Variants in IKBKB-DT observed in about 807,000 individuals in gnomAD.
IKBKB-DT encodes the protein IKBKB antisense RNA.
chr8:42,244,477 A>G (rs557973801), intron 3 of IKBKB-DT, among the ~76,000 whole-genome samples: 1 of 152,338 alleles, frequency 6.6e-6, no homozygotes, highest in South Asian at 2.1e-4. Context: ...AGTATGCCAC[A>G]TTCCTTTTAC....
intron 3 of IKBKB-DT, among the ~76,000 whole-genome samples, chr8:42,240,641 A>G (rs1309137559): frequency 5.3e-5 from 8 of 150,470 alleles, no homozygotes; most frequent in Non-Finnish European, 1.0e-4. Flanking sequence ...AAAAAAAAAA[A>G]AAAAAAAAAG....
At chr8:42,239,527 C>A (rs1156250249) in intron 3 of IKBKB-DT, among the ~76,000 whole-genome samples, 1 of 148,694 alleles carries the variant, frequency 6.7e-6, no homozygotes, top group East Asian at 2.0e-4. Flanking sequence ...CAATTTGAGG[C>A]CCAACAACAG....
At chr8:42,259,510 T>C (rs1371526234) in intron 3 of IKBKB-DT, among the ~76,000 whole-genome samples, 1 of 152,204 alleles carries the variant, frequency 6.6e-6, no homozygotes, top group Non-Finnish European at 1.5e-5. Flanking sequence ...TAACTTAACT[T>C]AGCAAAACCC....
intron 3 of IKBKB-DT, among the ~76,000 whole-genome samples, chr8:42,262,965 T>C (rs1201547915): frequency 6.6e-6 from 1 of 151,944 alleles, no homozygotes; most frequent in Non-Finnish European, 1.5e-5. Context: ...GATCTCAAAC[T>C]CCTGGGCTCA....
chr8:42,243,368 A>G (rs559546695), intron 3 of IKBKB-DT, among the ~76,000 whole-genome samples: 3 of 152,342 alleles, frequency 2.0e-5, no homozygotes, highest in South Asian at 2.1e-4. Flanking sequence ...GCATTTCTAA[A>G]GAGCTAAAGT....
At position 42,239,909 on chromosome 8, in the gene IKBKB-DT, G is replaced by T. The variant is rs564854885; in HGVS notation, n.1530-6050C>A. Reference sequence around the variant, plus strand: ...CTGGCTCAGCCTCCCAAAGTGTTGGGATTATAGGCATGAGCCACCGTGCCT... The same window carrying T: ...CTGGCTCAGCCTCCCAAAGTGTTGGTATTATAGGCATGAGCCACCGTGCCT... On this transcript the variant is annotated intron_variant and non_coding_transcript_variant, in intron 3 of 3. Transcript: ENST00000518213. Among the ~76,000 whole-genome samples, 5 of 151,780 alleles carry T rather than the reference G, an allele frequency of 3.3e-5. No homozygotes were observed. In the East Asian group the frequency reaches 7.8e-4, roughly 24 times the overall value.
At position 42,239,636 on chromosome 8, in the gene IKBKB-DT, T is replaced by TATATATATA. The variant is rs55662464; in HGVS notation, n.1530-5778_1530-5777insTATATATAT. Among the ~76,000 whole-genome samples, 135 of 28,154 alleles carry TATATATATA rather than the reference T, an allele frequency of 4.8e-3. 14 individuals are homozygous for TATATATATA. The highest frequency in any genetic ancestry group is 6.8e-3 in the East Asian group (5 of 734). The allele number at this position is 28,154 out of a possible 152,430, so 18.5% of individuals were successfully genotyped here. ...AATTTATATATATATATATATATAT[T>TATATATATA]TATTTATTTATTCATTTTTTTTTTT... is the stretch of plus-strand genomic sequence containing the variant. On this transcript the variant is annotated intron_variant and non_coding_transcript_variant, in intron 3 of 3. Transcript: ENST00000518213.
intron 3 of IKBKB-DT, among the ~76,000 whole-genome samples, chr8:42,244,726 T>C (rs2129909766): frequency 6.6e-6 from 1 of 152,312 alleles, no homozygotes; most frequent in East Asian, 1.9e-4. Flanking sequence ...TACATTGGGC[T>C]GCCGCCTATA....
exon 2 of IKBKB-DT, chr8:42,266,020 G>C (rs1807364260): frequency 6.6e-6 from 1 of 152,224 alleles, no homozygotes; most frequent in Non-Finnish European, 1.5e-5. Flanking sequence ...GTCTCCACCA[G>C]CCCACCCTCA....
chr8:42,241,397 C>CT (rs1807002365), intron 3 of IKBKB-DT, among the ~76,000 whole-genome samples: 1 of 151,678 alleles, frequency 6.6e-6, no homozygotes, highest in Admixed American at 6.6e-5. Flanking sequence ...TTGTCTGTGT[C>CT]TTTAAGTTTT....
intron 3 of IKBKB-DT, among the ~76,000 whole-genome samples, chr8:42,242,981 T>A (rs185135282): frequency 7.2e-5 from 11 of 152,370 alleles, no homozygotes; most frequent in Admixed American, 7.2e-4. Context: ...AAGTGGCTTT[T>A]ATTCCAAAGC....
intron 3 of IKBKB-DT, among the ~76,000 whole-genome samples, chr8:42,235,097 A>G (rs1422977802): frequency 6.6e-6 from 1 of 151,774 alleles, no homozygotes; most frequent in East Asian, 1.9e-4. Flanking sequence ...TGTGAAGATA[A>G]CATCACTACT....
chr8:42,247,332 G>T (rs1355966971), intron 3 of IKBKB-DT, among the ~76,000 whole-genome samples: 1 of 152,146 alleles, frequency 6.6e-6, no homozygotes, highest in African/African-American at 2.4e-5. Context: ...AGGACCAGTG[G>T]CCCCTTGGTT....
intron 3 of IKBKB-DT, among the ~76,000 whole-genome samples, chr8:42,242,255 G>GTAAA (rs1807013817): frequency 6.7e-6 from 1 of 150,076 alleles, no homozygotes; most frequent in South Asian, 2.1e-4. Context: ...ATAGACATAA[G>GTAAA]TAAATAAATA....
chr8:42,249,539 A>T (rs1323891718), intron 3 of IKBKB-DT, among the ~76,000 whole-genome samples: 1 of 151,876 alleles, frequency 6.6e-6, no homozygotes, highest in Non-Finnish European at 1.5e-5. Flanking sequence ...AACCTGATGG[A>T]CTTTCTGAGT....
chr8:42,244,285 G>C (rs950260742), intron 3 of IKBKB-DT, among the ~76,000 whole-genome samples: 6 of 152,100 alleles, frequency 3.9e-5, no homozygotes, highest in Admixed American at 6.6e-5. Flanking sequence ...CTTGACACAG[G>C]GTAGTCAGTT....
intron 3 of IKBKB-DT, among the ~76,000 whole-genome samples, chr8:42,241,328 T>C: frequency 6.8e-6 from 1 of 146,756 alleles, no homozygotes; most frequent in Non-Finnish European, 1.5e-5. Flanking sequence ...TACCATTTTC[T>C]GGGGAAAAAC....
intron 3 of IKBKB-DT, among the ~76,000 whole-genome samples, chr8:42,243,119 A>G (rs1383906913): frequency 6.6e-6 from 1 of 152,158 alleles, no homozygotes; most frequent in African/African-American, 2.4e-5. Context: ...GTGCCAGCTT[A>G]GTGTCTTACC....
chr8:42,271,187 G>A, exon 1 of IKBKB-DT: 2 of 606,408 alleles, frequency 3.3e-6, no homozygotes, highest in Non-Finnish European at 5.9e-6. Flanking sequence ...CCCCCGCCCC[G>A]GGGGAGTCGC....
Sources: gnomAD v4.1 joint callset for allele counts (sites outside exome capture counted in the v4.1 genomes callset) on GRCh38, gnomAD v4.1.1 for gene constraint, MANE v1.5 for transcripts, NCBI Gene and HGNC (gene_info 2026-07-23, HGNC 2026-07-21) for gene names.